The following FGF2 variants were observed in gnomAD, a reference collection of about 807,000 sequenced individuals.
FGF2 encodes fibroblast growth factor 2, also known as basic fibroblast growth factor bFGF.
In FGF2, 13 loss-of-function variants were observed where a neutral mutation model predicts 15.9. The ratio of observed to expected loss-of-function variants is 0.82; its 90% CI spans 0.53 to 1.30. FGF2 has a LOEUF of 1.30. Among genes scored for constraint, FGF2 ranks in the 50% most tolerant of loss-of-function variants. The pLI, the probability that FGF2 is intolerant of heterozygous loss-of-function variation, is 0.00. For missense variants in FGF2, 163 were observed against 196.9 expected (o/e 0.83, Z 1.03); for synonymous variants, 90 against 78.4 (o/e 1.15, Z -0.78).
chr4:122,848,434 T>A (rs308413), intron 1 of FGF2, among the ~76,000 whole-genome samples: 47,037 of 152,186 alleles, frequency 0.31, 11,187 homozygotes, highest in African/African-American at 0.66. Flanking sequence ...ATTCCCAACT[T>A]GATCACAGTG....
chr4:122,847,867 G>A (rs867051132), intron 1 of FGF2, among the ~76,000 whole-genome samples: 18 of 152,328 alleles, frequency 1.2e-4, no homozygotes, highest in Admixed American at 9.8e-4. Flanking sequence ...CTGATTTGAT[G>A]TGGGCCCCCC....
Position 122,892,221 on chromosome 4 carries a change from C to T in FGF2, c.293C>T (p.Thr98Met), listed in dbSNP as rs151141410. 7.1e-5 allele frequency: 114 copies of T among 1,610,354 alleles called. No homozygotes were observed. The highest frequency in any genetic ancestry group is 8.8e-5 in the Non-Finnish European group (104 of 1,176,800). The change falls in exon 3 of 3, where the codon ACG (threonine) becomes ATG (methionine). Residue 98 changes from threonine to methionine, a missense_variant. Transcript: ENST00000644866. ...DGRLLASKCV[T>M]DECFFFERLE... ...TCCTTTATTTTTCAGAAATGTGTTA[C>T]GGATGAGTGTTTCTTTTTTGAACGA...
intron 2 of FGF2, among the ~76,000 whole-genome samples, chr4:122,887,481 G>T (rs1247901239): frequency 1.3e-5 from 2 of 151,840 alleles, no homozygotes; most frequent in African/African-American, 4.8e-5. Flanking sequence ...CCATCTCCTG[G>T]GATCAGTTTT....
In FGF2 at chr4:122,848,354, A is replaced by G. The variant is rs72917860; in HGVS notation, c.178+21002A>G. ...TGTGGGTTAGTTTTTCTTCTTCAGG[A>G]TTTCTGAAAATAGGAATAATAATCT... On this transcript the variant is annotated intron_variant, in intron 1 of 2. Transcript: ENST00000644866. Among the ~76,000 whole-genome samples, 296 of 152,224 alleles carry G rather than the reference A, an allele frequency of 1.9e-3. 2 individuals carry two copies. Among genetic ancestry groups the G allele is most frequent in the African/African-American group, 6.6e-3 (275 of 41,528 alleles).
chr4:122,892,503 A>AGTTTATAC lies in FGF2; in HGVS notation c.*107_*108insGTTTATAC. On this transcript the variant is annotated 3_prime_UTR_variant, in exon 3 of 3. Coordinates refer to ENST00000644866, the MANE Select transcript of FGF2 (RefSeq NM_001361665.2). The stretch of plus-strand genomic sequence containing the variant: ...AAATGTGTATAGCTCAGTTTGGATA[A>AGTTTATAC]TTGGTCAAACAATTTTTTATCCAGT... 6.5e-7 allele frequency: 1 copy of AGTTTATAC among 1,550,292 alleles called. No individual in the cohort carries two copies. Among genetic ancestry groups the AGTTTATAC allele is most frequent in the Non-Finnish European group, 8.7e-7 (1 of 1,149,440 alleles).
At chr4:122,829,531 C>T (rs45522241) in intron 1 of FGF2, among the ~76,000 whole-genome samples, 5,682 of 152,262 alleles carry the variant, frequency 0.037, 179 homozygotes, top group Non-Finnish European at 0.053. Context: ...CTCATCCAGA[C>T]TTGTGGAGAC....
intron 1 of FGF2, among the ~76,000 whole-genome samples, chr4:122,831,465 A>T (rs370300588): frequency 2.2e-4 from 34 of 152,292 alleles, no homozygotes; most frequent in African/African-American, 7.7e-4. Context: ...TAATACACGT[A>T]CTAGATTCTC....
chr4:122,866,986 T>G (rs1488277329), intron 1 of FGF2, among the ~76,000 whole-genome samples: 1 of 152,234 alleles, frequency 6.6e-6, no homozygotes, highest in Non-Finnish European at 1.5e-5. Context: ...TGGACTATTA[T>G]TTGGTGATAA....
At chr4:122,874,468 C>G (rs1028836479) in intron 1 of FGF2, among the ~76,000 whole-genome samples, 1 of 152,162 alleles carries the variant, frequency 6.6e-6, no homozygotes, top group African/African-American at 2.4e-5. Context: ...AGAGGTGACT[C>G]AGACATGAAA....
At chr4:122,875,835 A>G (rs1348442695) in intron 1 of FGF2, among the ~76,000 whole-genome samples, 1 of 152,214 alleles carries the variant, frequency 6.6e-6, no homozygotes, top group Non-Finnish European at 1.5e-5. Context: ...AGCTCAAATT[A>G]TAACAGTGAA....
chr4:122,852,543 G>A (rs544003398), intron 1 of FGF2, among the ~76,000 whole-genome samples: 6 of 152,180 alleles, frequency 3.9e-5, no homozygotes, highest in Admixed American at 1.3e-4. Context: ...TGGTACATTG[G>A]AGCCACCAAA....
At chr4:122,856,227 A>G (rs1435458209) in intron 1 of FGF2, among the ~76,000 whole-genome samples, 1 of 152,210 alleles carries the variant, frequency 6.6e-6, no homozygotes, top group African/African-American at 2.4e-5. Context: ...ATTGTGTTCA[A>G]GACACAATAT....
chr4:122,897,384 T>G lies in FGF2; in HGVS notation c.*4988T>G. On this transcript the variant is annotated 3_prime_UTR_variant, in exon 3 of 3. Coordinates refer to ENST00000644866, the MANE Select transcript of FGF2 (RefSeq NM_001361665.2). The stretch of plus-strand genomic sequence containing the variant: ...TTCAGACAGATTAATCCAGAAGCAG[T>G]CATAAACAGAAGAATAGGTGGTATG... 1 of 498,600 alleles carries G rather than the reference T, an allele frequency of 2.0e-6. No individual in the cohort carries two copies. 30.9% of individuals were successfully genotyped at this position (498,600 alleles called of 1,614,324 possible).
chr4:122,845,003 C>T (rs1726081606), intron 1 of FGF2, among the ~76,000 whole-genome samples: 1 of 152,158 alleles, frequency 6.6e-6, no homozygotes, highest in Non-Finnish European at 1.5e-5. Flanking sequence ...GCAGCTATAC[C>T]CTTACAAAAT....
chr4:122,861,637 A>C (rs192838188), intron 1 of FGF2, among the ~76,000 whole-genome samples: 1 of 151,866 alleles, frequency 6.6e-6, no homozygotes, highest in Admixed American at 6.6e-5. Flanking sequence ...CTTTGTCCCC[A>C]CTGTTTCATT....
At chr4:122,883,813 C>G (rs1197786203) in intron 2 of FGF2, among the ~76,000 whole-genome samples, 2 of 152,038 alleles carry the variant, frequency 1.3e-5, no homozygotes, top group Non-Finnish European at 1.5e-5. Flanking sequence ...ATATTAATAT[C>G]TCAGTATTAG....
intron 1 of FGF2, among the ~76,000 whole-genome samples, chr4:122,852,575 CAA>C (rs1726257482): frequency 1.3e-5 from 2 of 152,218 alleles, no homozygotes; most frequent in Non-Finnish European, 2.9e-5. Context: ...ATCAGATAAA[CAA>C]TTAATTCCTC....
intron 1 of FGF2, among the ~76,000 whole-genome samples, chr4:122,851,732 C>T (rs308438): frequency 0.069 from 10,463 of 152,132 alleles, 652 homozygotes; most frequent in African/African-American, 0.17. Context: ...TCTTCCTGGC[C>T]CTAACCCTAG....
chr4:122,890,918 A>G (rs1004690800), intron 2 of FGF2, among the ~76,000 whole-genome samples: 4 of 152,194 alleles, frequency 2.6e-5, no homozygotes, highest in Non-Finnish European at 4.4e-5. Flanking sequence ...ATTATAATGT[A>G]AAAATGATTT....
Sources: allele counts gnomAD v4.1 joint callset (sites outside exome capture counted in the v4.1 genomes callset), GRCh38; gene constraint gnomAD v4.1.1; transcripts MANE v1.5; gene names NCBI Gene and HGNC (gene_info 2026-07-23, HGNC 2026-07-21).